Variants in RNFT2 observed in about 807,000 individuals in gnomAD.
RNFT2 encodes ring finger protein, transmembrane 2.
RNFT2 carries 36 observed loss-of-function variants against 53.0 expected under a neutral mutation model. The observed-to-expected ratio is 0.68, with a 90% CI of 0.52 to 0.90. The LOEUF (loss-of-function observed/expected upper bound fraction) is 0.90. Ranked by LOEUF, RNFT2 falls within the 40% of genes least tolerant of loss-of-function variation. The pLI is 0.00. For missense variants in RNFT2, 514 were observed against 585.6 expected, an observed-to-expected ratio of 0.88 and a Z score of 1.26; for synonymous variants, 260 against 253.2, an observed-to-expected ratio of 1.03 and a Z score of -0.26.
Position 116,851,692 on chromosome 12 carries a change from G to A in RNFT2, c.*2244G>A. ...GGAGGTGAAAGTTGCAGTGAGCCGA[G>A]ATTGCACCACAGCACTCCAACCTGG... On this transcript the variant is annotated 3_prime_UTR_variant, in exon 11 of 11. Coordinates refer to ENST00000257575, the MANE Select transcript of RNFT2 (RefSeq NM_001382266.1). The A allele has an allele frequency of 1.5e-6, 1 of 663,400 alleles. No individual in the cohort carries two copies. Among genetic ancestry groups the A allele is most frequent in the Non-Finnish European group, 2.7e-6 (1 of 370,780 alleles). The allele number at this position is 663,400 out of a possible 1,614,324, so 41.1% of individuals were successfully genotyped here.
At chr12:116,764,878 G>A (rs1341702396) in intron 5 of RNFT2, among the ~76,000 whole-genome samples, 5 of 152,194 alleles carry the variant, frequency 3.3e-5, no homozygotes, top group Non-Finnish European at 7.3e-5. Flanking sequence ...GGCAACAAGA[G>A]CGAAAGTCCG....
intron 6 of RNFT2, among the ~76,000 whole-genome samples, chr12:116,769,344 C>A (rs373438259): frequency 1.3e-5 from 2 of 152,096 alleles, no homozygotes; most frequent in African/African-American, 4.8e-5. Context: ...AGTGAGACTC[C>A]GTCTTAAAGT....
At chr12:116,841,848 T>G (rs188277799) in intron 10 of RNFT2, among the ~76,000 whole-genome samples, 1 of 24,128 alleles carries the variant, frequency 4.1e-5, no homozygotes, top group African/African-American at 1.5e-4. Flanking sequence ...TATATATAAA[T>G]ATATATAAAA....
At chr12:116,786,060 A>C (rs1592957365) in intron 7 of RNFT2, among the ~76,000 whole-genome samples, 1 of 151,782 alleles carries the variant, frequency 6.6e-6, no homozygotes, top group East Asian at 1.9e-4. Flanking sequence ...TATTCTTCTG[A>C]CATAGGTGCT....
chr12:116,819,729 C>A (rs921334861), intron 7 of RNFT2, among the ~76,000 whole-genome samples: 1 of 152,254 alleles, frequency 6.6e-6, no homozygotes, highest in Non-Finnish European at 1.5e-5. Flanking sequence ...CCTTCTCTTG[C>A]CTTTTTTCCT....
rs16947041 is a variant in RNFT2 at position 116,828,157 on chromosome 12, T to G, written c.883-5635T>G. On this transcript the variant is annotated intron_variant, in intron 7 of 10. Transcript: ENST00000257575. ...CAGTGACCATCTTTTCCTTCACCTC[T>G]TGGCTCTGGAACACCCTTCCTCCCT... Among the ~76,000 whole-genome samples the G allele has an allele frequency of 5.0e-3, 755 of 152,308 alleles. 10 individuals carry two copies. The highest frequency in any genetic ancestry group is 0.017 in the African/African-American group (721 of 41,570).
chr12:116,767,814 G>A (rs529633326), intron 6 of RNFT2, among the ~76,000 whole-genome samples: 17 of 152,086 alleles, frequency 1.1e-4, no homozygotes, highest in African/African-American at 3.9e-4. Flanking sequence ...TCCTGACCTC[G>A]TGATCCACCT....
intron 5 of RNFT2, among the ~76,000 whole-genome samples, chr12:116,756,896 A>G (rs1872531248): frequency 6.6e-6 from 1 of 152,144 alleles, no homozygotes; most frequent in South Asian, 2.1e-4. Context: ...TAATGTTAAA[A>G]AGATTGGTAC....
chr12:116,832,607 T>C (rs1437689078), intron 7 of RNFT2, among the ~76,000 whole-genome samples: 1 of 152,200 alleles, frequency 6.6e-6, no homozygotes, highest in Non-Finnish European at 1.5e-5. Context: ...AAAGTAGGTA[T>C]GTATTCAACT....
intron 5 of RNFT2, among the ~76,000 whole-genome samples, chr12:116,758,973 C>A (rs1386227658): frequency 6.6e-6 from 1 of 152,102 alleles, no homozygotes. Flanking sequence ...TTTCAGAATT[C>A]TCTTCTTCAG....
At chr12:116,777,721 A>G (rs1303953562) in intron 6 of RNFT2, among the ~76,000 whole-genome samples, 2 of 152,168 alleles carry the variant, frequency 1.3e-5, no homozygotes, top group Admixed American at 1.3e-4. Context: ...TAATCTGTCC[A>G]TTATCTCATC....
chr12:116,766,638 G>A (rs1359321800), intron 5 of RNFT2, among the ~76,000 whole-genome samples, 176 bp from the exon 6 acceptor site: 4 of 152,118 alleles, frequency 2.6e-5, no homozygotes, highest in African/African-American at 7.2e-5. Flanking sequence ...CACCTTCTCC[G>A]TGACCACCGC....
intron 5 of RNFT2, 79 bp from the exon 6 acceptor site, chr12:116,766,735 C>A: frequency 9.3e-7 from 1 of 1,078,924 alleles, no homozygotes; most frequent in Non-Finnish European, 1.4e-6. Context: ...AAGTGAAAAG[C>A]TGCCAGTCAT....
intron 5 of RNFT2, among the ~76,000 whole-genome samples, chr12:116,764,711 G>T (rs1872835715): frequency 6.6e-6 from 1 of 152,152 alleles, no homozygotes; most frequent in African/African-American, 2.4e-5. Flanking sequence ...GGCCAACATG[G>T]TGAAACCCCG....
chr12:116,833,835 G>C lies in RNFT2; in HGVS notation c.926G>C (p.Arg309Pro). ...ATCGAGGAGCTGAGCCAGCTGTTCC[G>C]ATCCCTTGTCCCCATCCAGCTGTGG... is the stretch of plus-strand genomic sequence containing the variant. ...LVIEELSQLF[R>P]SLVPIQLWYK... Residue 309 changes from arginine to proline, a missense_variant, in exon 8 of 11, where the codon CGA becomes CCA. By Grantham distance (103) the Arg-to-Pro change is moderately radical (BLOSUM62 -2). This residue lies in a region of RNFT2 where 273 missense variants were observed against 334.4 expected (regional missense o/e 0.82). Transcript: ENST00000257575. 6.2e-7 allele frequency: 1 copy of C among 1,613,190 alleles called. No individual in the cohort carries two copies. Among genetic ancestry groups the C allele is most frequent in the Non-Finnish European group, 8.5e-7 (1 of 1,179,558 alleles).
chr12:116,769,086 G>A (rs547527080), intron 6 of RNFT2, among the ~76,000 whole-genome samples: 3 of 152,148 alleles, frequency 2.0e-5, no homozygotes, highest in African/African-American at 7.2e-5. Flanking sequence ...TTGGCCGGGC[G>A]CAGTGGCTCA....
intron 7 of RNFT2, among the ~76,000 whole-genome samples, chr12:116,808,279 G>A (rs927296138): frequency 5.3e-5 from 8 of 152,084 alleles, no homozygotes; most frequent in Non-Finnish European, 8.8e-5. Context: ...TTATAGCAAC[G>A]GGGTCTTGCT....
intron 3 of RNFT2, among the ~76,000 whole-genome samples, chr12:116,743,374 C>G (rs954736503): frequency 6.6e-6 from 1 of 151,692 alleles, no homozygotes; most frequent in African/African-American, 2.4e-5. Flanking sequence ...TCAAGCTACT[C>G]TCATGCCTCT....
intron 10 of RNFT2, among the ~76,000 whole-genome samples, chr12:116,843,426 G>A (rs116996945): frequency 0.031 from 4,404 of 143,142 alleles, 98 homozygotes; most frequent in Non-Finnish European, 0.049. Flanking sequence ...CCAAAAGGTC[G>A]AGGCTGCAGT....
Sources: gnomAD v4.1 joint callset for allele counts (sites outside exome capture counted in the v4.1 genomes callset) on GRCh38, gnomAD v4.1.1 for gene constraint, gnomAD v4.1.1 regional missense constraint, MANE v1.5 for transcripts, NCBI Gene and HGNC (gene_info 2026-07-23, HGNC 2026-07-21) for gene names.